The following ADH7 variants were observed in gnomAD, a reference collection of about 807,000 sequenced individuals.
ADH7 encodes all-trans-retinol dehydrogenase [NAD(+)] ADH7.
Under a neutral mutation model 34.4 loss-of-function variants are expected in ADH7, and 41 were observed. The ratio of observed to expected loss-of-function variants is 1.19; its 90% CI spans 0.93 to 1.55. The LOEUF (loss-of-function observed/expected upper bound fraction) is 1.55. ADH7 is among the 40% of genes most tolerant of loss of function. The pLI, the probability that ADH7 is intolerant of heterozygous loss-of-function variation, is 0.00. For synonymous variants in ADH7, 180 were observed against 160.9 expected (o/e 1.12, Z -0.90); for missense variants, 540 against 461.2 (o/e 1.17, Z -1.56).
chr4:99,420,424 C>G, intron 6 of ADH7, 109 bp downstream of exon 6: 1 of 1,275,774 alleles, frequency 7.8e-7, no homozygotes, highest in South Asian at 1.5e-5. Context: ...CTGACTATCG[C>G]AGAGATATTT....
intron 5 of ADH7, among the ~76,000 whole-genome samples, chr4:99,421,285 A>G (rs1721656956): frequency 6.6e-6 from 1 of 152,194 alleles, no homozygotes; most frequent in South Asian, 2.1e-4. Context: ...ACAGCATGGT[A>G]CTGGTACCAA....
At chr4:99,425,476 G>C (rs962859734) in intron 5 of ADH7, among the ~76,000 whole-genome samples, 6 of 151,978 alleles carry the variant, frequency 3.9e-5, no homozygotes, top group Non-Finnish European at 4.4e-5. Context: ...CCATTACATA[G>C]TGGTAAAGGG....
intron 8 of ADH7, chr4:99,415,230 G>T: frequency 2.5e-6 from 1 of 398,846 alleles, no homozygotes; most frequent in Non-Finnish European, 4.5e-6. Flanking sequence ...GAAGCCCCCA[G>T]CCATGCTGAA....
At chr4:99,419,267 A>T (rs1721594316) in intron 6 of ADH7, 146 bp from the exon 7 acceptor site, 1 of 971,714 alleles carries the variant, frequency 1.0e-6, no homozygotes, top group African/African-American at 1.7e-5. Context: ...ATTTCAGTGC[A>T]ACTTTAGTCC....
intron 7 of ADH7, among the ~76,000 whole-genome samples, chr4:99,417,670 T>C (rs538461679): frequency 6.6e-6 from 1 of 152,140 alleles, no homozygotes; most frequent in African/African-American, 2.4e-5. Flanking sequence ...GGACTTGGTA[T>C]GTTTTGTCTC....
intron 5 of ADH7, among the ~76,000 whole-genome samples, chr4:99,423,914 T>C (rs1721734669): frequency 6.6e-6 from 1 of 152,040 alleles, no homozygotes; most frequent in African/African-American, 2.4e-5. Context: ...TGGCTTTTGT[T>C]GCCATTGCTT....
chr4:99,416,722 T>C (rs1244575346), intron 7 of ADH7, among the ~76,000 whole-genome samples: 1 of 152,116 alleles, frequency 6.6e-6, no homozygotes, highest in Non-Finnish European at 1.5e-5. Flanking sequence ...CTTAGGTTTC[T>C]ATACCCATCC....
intron 2 of ADH7, 95 bp downstream of exon 2, chr4:99,429,437 A>C: frequency 1.2e-6 from 1 of 803,482 alleles, no homozygotes; most frequent in Non-Finnish European, 2.0e-6. Context: ...CATGGGAAGC[A>C]TCTCCTTATT....
At chr4:99,432,985 T>A (rs1273657079) in intron 1 of ADH7, among the ~76,000 whole-genome samples, 1 of 152,292 alleles carries the variant, frequency 6.6e-6, no homozygotes, top group Middle Eastern at 3.4e-3. Flanking sequence ...TGAAAATGAC[T>A]TTTTACTTAA....
Position 99,435,286 on chromosome 4 carries a change from A to G in ADH7, c.-53T>C, listed in dbSNP as rs965071324. 6.2e-7 allele frequency: 1 copy of G among 1,612,070 alleles called. No homozygotes were observed. The highest frequency in any genetic ancestry group is 1.7e-5 in the Admixed American group (1 of 59,804). On this transcript the variant is annotated 5_prime_UTR_variant, in exon 1 of 9. Transcript: ENST00000437033. ...TGCAAACATAGACTTTTTCTGACTGATGCTCAGTTCACTCTGTTGTATATA... is the reference window on the plus strand; with the variant it reads ...TGCAAACATAGACTTTTTCTGACTGGTGCTCAGTTCACTCTGTTGTATATA...
chr4:99,433,680 GA>G (rs1721987301), intron 1 of ADH7, among the ~76,000 whole-genome samples: 1 of 152,118 alleles, frequency 6.6e-6, no homozygotes, highest in African/African-American at 2.4e-5. Context: ...GGGAGATTAG[GA>G]AAAGGGAAGA....
At chr4:99,428,787 C>A (rs918720084) in intron 2 of ADH7, among the ~76,000 whole-genome samples, 157 bp from the exon 3 acceptor site, 2 of 152,174 alleles carry the variant, frequency 1.3e-5, no homozygotes, top group Non-Finnish European at 2.9e-5. Flanking sequence ...CAAAAATCAA[C>A]CATCAGACAA....
rs772693771 is a variant in ADH7, at chr4:99,420,648, G to C, written c.710C>G (p.Ala237Gly). The change falls in exon 6 of 9, where the codon GCC (alanine) becomes GGC (glycine). Residue 237 changes from alanine to glycine, a missense_variant. Coordinates refer to ENST00000437033, the MANE Select transcript of ADH7 (RefSeq NM_000673.7). Reference protein sequence around the residue: ...DKFEKAMAVGATECISPKDST... With the variant: ...DKFEKAMAVGGTECISPKDST... ...GTCCTTGGGACTGATACACTCAGTG[G>C]CACCTACAGCCATGGCCTTCTCAAA... 6.2e-7 allele frequency: 1 copy of C among 1,613,880 alleles called. No homozygotes were observed. The highest frequency in any genetic ancestry group is 8.5e-7 in the Non-Finnish European group (1 of 1,179,914).
intron 7 of ADH7, among the ~76,000 whole-genome samples, chr4:99,418,011 G>A (rs1721559126): frequency 6.6e-6 from 1 of 152,106 alleles, no homozygotes; most frequent in South Asian, 2.1e-4. Context: ...TTAAATCTCA[G>A]TTCTCAACTT....
rs1721842621 is a variant in ADH7 at position 99,427,783 on chromosome 4, T to G, written c.554A>C (p.Lys185Thr). 1.3e-6 allele frequency: 2 copies of G among 1,542,866 alleles called. No individual in the cohort carries two copies. Among genetic ancestry groups the G allele is most frequent in the Non-Finnish European group, 1.7e-6 (2 of 1,144,602 alleles). ...TACCCTGTTTCTTACCTTGCCAGTT[T>G]TAACAGCAGCGCCATATCCAGTGGA... ...GFSTGYGAAV[K>T]TGKVKPGSTC... The change falls in exon 5 of 9, where the codon AAA (lysine) becomes ACA (threonine). Residue 185 changes from lysine to threonine, a missense_variant. Lys to Thr is a moderately conservative substitution (Grantham distance 78). Coordinates refer to ENST00000437033, the MANE Select transcript of ADH7 (RefSeq NM_000673.7).
At position 99,432,168 on chromosome 4, in the gene ADH7, C is replaced by A. The variant is rs190093356; in HGVS notation, c.19-2535G>T. Among the ~76,000 whole-genome samples, 326 of 152,190 alleles carry A rather than the reference C, an allele frequency of 2.1e-3. 2 individuals carry two copies. The highest frequency in any genetic ancestry group is 7.5e-3 in the African/African-American group (310 of 41,524). On this transcript the variant is annotated intron_variant, in intron 1 of 8. Coordinates refer to ENST00000437033, the MANE Select transcript of ADH7 (RefSeq NM_000673.7). ...AATAAGATCATATTCTTTGCAGGGA[C>A]ATGGAAGGAGCTGGAGGCCATTATC...
At chr4:99,425,714 T>C (rs1462960194) in intron 5 of ADH7, among the ~76,000 whole-genome samples, 17 of 152,292 alleles carry the variant, frequency 1.1e-4, no homozygotes, top group African/African-American at 3.9e-4. Context: ...GTGGACCTAA[T>C]AGACATCTAC....
At chr4:99,430,917 C>A (rs559059652) in intron 1 of ADH7, among the ~76,000 whole-genome samples, 3 of 152,208 alleles carry the variant, frequency 2.0e-5, no homozygotes, top group Non-Finnish European at 2.9e-5. Flanking sequence ...CTGCCTCAGC[C>A]ACCCGAGTAG....
At chr4:99,429,242 T>A (rs1721885524) in intron 2 of ADH7, among the ~76,000 whole-genome samples, 1 of 152,216 alleles carries the variant, frequency 6.6e-6, no homozygotes, top group Admixed American at 6.5e-5. Flanking sequence ...AAGAAGTCTT[T>A]AGCTATGATT....
Sources: gnomAD v4.1 joint callset for allele counts (sites outside exome capture counted in the v4.1 genomes callset) on GRCh38, gnomAD v4.1.1 for gene constraint, MANE v1.5 for transcripts, NCBI Gene and HGNC (gene_info 2026-07-23, HGNC 2026-07-21) for gene names.